ASAP1: variants seen among roughly 807,000 people sequenced by gnomAD.
ASAP1 encodes ArfGAP with SH3 domain, ankyrin repeat and PH domain 1.
Under a neutral mutation model 145.2 loss-of-function variants are expected in ASAP1, and 43 were observed. That is an observed-to-expected ratio of 0.30 (90% confidence interval 0.23 to 0.38). The LOEUF (loss-of-function observed/expected upper bound fraction) is 0.38. Ranked by LOEUF, ASAP1 falls within the 10% of genes least tolerant of loss-of-function variation. The pLI is 1.00. For missense variants in ASAP1, 1,018 were observed against 1,355.3 expected, an observed-to-expected ratio of 0.75 and a Z score of 3.91; for synonymous variants, 546 against 515.5, an observed-to-expected ratio of 1.06 and a Z score of -0.80.
intron 10 of ASAP1, 150 bp downstream of exon 10, chr8:130,168,842 A>G (rs1430511121): frequency 2.0e-6 from 1 of 506,224 alleles, no homozygotes; most frequent in Non-Finnish European, 3.6e-6. Flanking sequence ...GACTTCTCTG[A>G]CTTAAACTGA....
intron 9 of ASAP1, among the ~76,000 whole-genome samples, chr8:130,175,367 T>A (rs1182977053): frequency 6.6e-6 from 1 of 152,138 alleles, no homozygotes; most frequent in Non-Finnish European, 1.5e-5. Flanking sequence ...AAAATAGGCG[T>A]GTGCCACCAC....
chr8:130,101,632 G>A (rs1292150263), intron 24 of ASAP1, among the ~76,000 whole-genome samples: 1 of 150,718 alleles, frequency 6.6e-6, no homozygotes, highest in African/African-American at 2.4e-5. Flanking sequence ...GTGCAGTAGC[G>A]TAATCACAGC....
intron 3 of ASAP1, among the ~76,000 whole-genome samples, chr8:130,317,712 C>T (rs1034713371): frequency 3.9e-5 from 6 of 152,196 alleles, no homozygotes; most frequent in Admixed American, 6.5e-5. Context: ...TCTGTTGCTA[C>T]GCGTTTGTTT....
chr8:130,299,584 G>A (rs2137400889), intron 3 of ASAP1, among the ~76,000 whole-genome samples: 1 of 152,252 alleles, frequency 6.6e-6, no homozygotes, highest in East Asian at 1.9e-4. Flanking sequence ...CTATTGAGAT[G>A]GATTCTGCTA....
chr8:130,205,918 A>T (rs566375818), intron 5 of ASAP1, among the ~76,000 whole-genome samples: 2 of 152,294 alleles, frequency 1.3e-5, no homozygotes, highest in African/African-American at 4.8e-5. Flanking sequence ...ATACCTGCAG[A>T]TATCTATGCA....
At chr8:130,130,814 C>T (rs543820796) in intron 15 of ASAP1, among the ~76,000 whole-genome samples, 55 of 152,082 alleles carry the variant, frequency 3.6e-4, no homozygotes, top group African/African-American at 1.2e-3. Flanking sequence ...GAGGCTGAAG[C>T]GGGAAGATCG....
chr8:130,234,976 T>C (rs140112151), intron 4 of ASAP1, among the ~76,000 whole-genome samples: 10 of 152,308 alleles, frequency 6.6e-5, no homozygotes, highest in African/African-American at 1.7e-4. Flanking sequence ...AGGCACCTAC[T>C]ATGTGGCAGG....
intron 2 of ASAP1, among the ~76,000 whole-genome samples, chr8:130,394,755 G>A (rs10111650): frequency 0.19 from 28,808 of 151,912 alleles, 2,954 homozygotes; most frequent in Non-Finnish European, 0.23. Flanking sequence ...TTCTCAACCC[G>A]GCCAACGCTT....
intron 5 of ASAP1, among the ~76,000 whole-genome samples, chr8:130,211,812 T>C (rs907959386): frequency 2.6e-5 from 4 of 152,252 alleles, no homozygotes; most frequent in African/African-American, 7.2e-5. Context: ...ACAAAGTCTA[T>C]AAAGTACCAA....
intron 3 of ASAP1, among the ~76,000 whole-genome samples, chr8:130,332,420 T>A (rs1212300596): frequency 6.6e-6 from 1 of 152,186 alleles, no homozygotes; most frequent in Non-Finnish European, 1.5e-5. Context: ...TTATGATCAT[T>A]TCTGTGATTA....
At chr8:130,113,810 C>T (rs569213313) in intron 23 of ASAP1, among the ~76,000 whole-genome samples, 1 of 151,588 alleles carries the variant, frequency 6.6e-6, no homozygotes, top group East Asian at 1.9e-4. Flanking sequence ...GGGTCTCACT[C>T]AGACACCCAC....
At chr8:130,134,779 A>C (rs1236777319) in intron 14 of ASAP1, among the ~76,000 whole-genome samples, 1 of 152,248 alleles carries the variant, frequency 6.6e-6, no homozygotes, top group African/African-American at 2.4e-5. Context: ...GGAGAGTGCC[A>C]GCTAATTCAG....
At chr8:130,161,283 C>T (rs560834312) in intron 11 of ASAP1, among the ~76,000 whole-genome samples, 1 of 152,134 alleles carries the variant, frequency 6.6e-6, no homozygotes, top group East Asian at 1.9e-4. Flanking sequence ...TCGAGGTAAG[C>T]TGAACCAACC....
At chr8:130,076,504 C>G in intron 26 of ASAP1, 98 bp from the exon 27 acceptor site, 1 of 917,858 alleles carries the variant, frequency 1.1e-6, no homozygotes, top group East Asian at 2.6e-5. Context: ...TTTACATAAT[C>G]ATCTAAAGAA....
chr8:130,408,206 T>A (rs971489212), intron 1 of ASAP1, among the ~76,000 whole-genome samples: 1 of 152,212 alleles, frequency 6.6e-6, no homozygotes, highest in Non-Finnish European at 1.5e-5. Flanking sequence ...TCAACTTGAC[T>A]GGGCTAAAGG....
intron 5 of ASAP1, among the ~76,000 whole-genome samples, chr8:130,188,996 T>C (rs1026649230): frequency 2.0e-5 from 3 of 152,138 alleles, no homozygotes; most frequent in African/African-American, 7.2e-5. Context: ...ATTACTGTGT[T>C]TGGATTTTTT....
At chr8:130,180,495 C>G (rs1440157840) in intron 8 of ASAP1, among the ~76,000 whole-genome samples, 1 of 152,194 alleles carries the variant, frequency 6.6e-6, no homozygotes, top group Non-Finnish European at 1.5e-5. Context: ...CACTCACAAG[C>G]AACATTAAGG....
At chr8:130,339,728 G>A (rs1209493243) in intron 3 of ASAP1, among the ~76,000 whole-genome samples, 1 of 152,182 alleles carries the variant, frequency 6.6e-6, no homozygotes, top group Non-Finnish European at 1.5e-5. Context: ...GTGCCCTGAA[G>A]GTCAGTTGGC....
At chr8:130,073,840 T>G (rs553189387) in intron 27 of ASAP1, among the ~76,000 whole-genome samples, 2 of 152,212 alleles carry the variant, frequency 1.3e-5, no homozygotes, top group Non-Finnish European at 2.9e-5. Flanking sequence ...CTACCACCTA[T>G]GAAGTGGTTT....
Sources: allele counts gnomAD v4.1 joint callset (sites outside exome capture counted in the v4.1 genomes callset), GRCh38; gene constraint gnomAD v4.1.1; transcripts MANE v1.5; gene names NCBI Gene and HGNC (gene_info 2026-07-23, HGNC 2026-07-21).